CA10: variants seen among roughly 807,000 people sequenced by gnomAD.
The protein encoded by CA10 is carbonic anhydrase-related protein 10.
CA10 carries 14 observed loss-of-function variants against 44.2 expected under a neutral mutation model. That is an observed-to-expected ratio of 0.32 (90% confidence interval 0.21 to 0.50). The LOEUF (loss-of-function observed/expected upper bound fraction) is 0.50. Among genes scored for constraint, CA10 ranks in the 20% least tolerant of loss-of-function variants. CA10 has a pLI of 0.99. For missense variants in CA10, 350 were observed against 409.7 expected (o/e 0.85, Z 1.26); for synonymous variants, 159 against 141.6 (o/e 1.12, Z -0.87).
intron 1 of CA10, among the ~76,000 whole-genome samples, chr17:52,138,912 G>C (rs1283494138): frequency 6.6e-6 from 1 of 152,174 alleles, no homozygotes; most frequent in African/African-American, 2.4e-5. Flanking sequence ...ACAGCCTCCT[G>C]TGCTAGGTTG....
chr17:51,987,156 ATATGATGGAATACTACT>A (rs1291031565), intron 2 of CA10, among the ~76,000 whole-genome samples: 24 of 152,104 alleles, frequency 1.6e-4, no homozygotes, highest in African/African-American at 3.4e-4. Flanking sequence ...ACAAATATGT[ATATGATGGAATACTACT>A]TATGATGGAA....
At chr17:52,090,548 G>A (rs1254204816) in intron 1 of CA10, among the ~76,000 whole-genome samples, 2 of 152,058 alleles carry the variant, frequency 1.3e-5, no homozygotes, top group African/African-American at 4.8e-5. Flanking sequence ...TTGGCTAATT[G>A]TAACAAAAAT....
intron 2 of CA10, among the ~76,000 whole-genome samples, chr17:51,987,997 A>G (rs1202718962): frequency 6.6e-6 from 1 of 152,080 alleles, no homozygotes; most frequent in African/African-American, 2.4e-5. Flanking sequence ...ATACTCTAAT[A>G]GATAAGTTTG....
At chr17:51,633,678 C>T in intron 7 of CA10, 28 bp from the exon 8 acceptor site, 1 of 1,601,794 alleles carries the variant, frequency 6.2e-7, no homozygotes, top group Non-Finnish European at 8.5e-7. Flanking sequence ...GCCGTGAGAT[C>T]CAACCATCCT....
chr17:51,899,659 C>T lies in CA10; in HGVS notation c.279+31331G>A, dbSNP rs888896444. Among the ~76,000 whole-genome samples the T allele has an allele frequency of 3.3e-5, 5 of 152,166 alleles. No homozygotes were observed. The East Asian group carries it at 9.6e-4, about 29-fold the overall frequency. ...ACTGTCAGTGGCATGTTGAAGTCTCCTACTATTGTTGTATGGTAATCTAAG... is the reference window on the plus strand; with the variant it reads ...ACTGTCAGTGGCATGTTGAAGTCTCTTACTATTGTTGTATGGTAATCTAAG... On this transcript the variant is annotated intron_variant, in intron 3 of 8. Coordinates refer to ENST00000451037, the MANE Select transcript of CA10 (RefSeq NM_020178.5).
chr17:51,847,017 G>A (rs1395508598), intron 3 of CA10, among the ~76,000 whole-genome samples: 5 of 152,142 alleles, frequency 3.3e-5, no homozygotes, highest in Non-Finnish European at 5.9e-5. Context: ...GGAATAATAT[G>A]GACAGTTTAG....
At chr17:51,736,744 CCTTG>C (rs1200783627) in intron 4 of CA10, among the ~76,000 whole-genome samples, 2 of 152,222 alleles carry the variant, frequency 1.3e-5, no homozygotes, top group African/African-American at 2.4e-5. Flanking sequence ...ACATAAAATG[CCTTG>C]CTTGTTATAA....
intron 4 of CA10, among the ~76,000 whole-genome samples, chr17:51,699,749 A>C (rs1915527510): frequency 1.3e-5 from 2 of 152,168 alleles, no homozygotes; most frequent in South Asian, 4.1e-4. Flanking sequence ...AATGAAATCT[A>C]TTCAATGAAA....
chr17:51,780,197 A>T (rs1906002015), intron 3 of CA10, among the ~76,000 whole-genome samples: 2 of 152,306 alleles, frequency 1.3e-5, no homozygotes, highest in Admixed American at 6.5e-5. Context: ...TGTCTTCCTG[A>T]CTGTATTTTA....
At chr17:52,113,587 T>C (rs1395596137) in intron 1 of CA10, among the ~76,000 whole-genome samples, 13 of 152,194 alleles carry the variant, frequency 8.5e-5, no homozygotes, top group African/African-American at 2.4e-5. Context: ...GTGGAAAAGA[T>C]ACTGCTATGC....
chr17:51,660,947 G>GGGAATAAACTTCCCTC (rs1913984122), intron 4 of CA10, among the ~76,000 whole-genome samples: 1 of 152,000 alleles, frequency 6.6e-6, no homozygotes, highest in African/African-American at 2.4e-5. Flanking sequence ...AGAGAAGGGA[G>GGGAATAAACTTCCCTC]GGAATAAACT....
At chr17:51,822,441 A>G (rs1907849025) in intron 3 of CA10, among the ~76,000 whole-genome samples, 1 of 151,984 alleles carries the variant, frequency 6.6e-6, no homozygotes, top group Non-Finnish European at 1.5e-5. Flanking sequence ...AACAAAAACA[A>G]AAACAAAAAA....
intron 2 of CA10, among the ~76,000 whole-genome samples, chr17:51,979,100 G>A (rs2144083786): frequency 6.6e-6 from 1 of 152,120 alleles, no homozygotes; most frequent in African/African-American, 2.4e-5. Flanking sequence ...TAGGACCTAT[G>A]AGTATAATAA....
chr17:51,994,084 A>G (rs1057505782), intron 2 of CA10, among the ~76,000 whole-genome samples: 2 of 152,042 alleles, frequency 1.3e-5, no homozygotes, highest in Non-Finnish European at 2.9e-5. Context: ...GAGAAATGGG[A>G]AAAACTTTGA....
At chr17:51,728,017 C>T (rs1342367171) in intron 4 of CA10, among the ~76,000 whole-genome samples, 2 of 152,056 alleles carry the variant, frequency 1.3e-5, no homozygotes, top group East Asian at 3.9e-4. Context: ...CCTTGAGTAG[C>T]TGAGACTACA....
At chr17:51,733,950 A>G (rs762590294) in intron 4 of CA10, among the ~76,000 whole-genome samples, 22 of 152,068 alleles carry the variant, frequency 1.4e-4, no homozygotes, top group Non-Finnish European at 2.2e-4. Context: ...GGGGCGTTTT[A>G]CCTGGGAGGT....
intron 2 of CA10, among the ~76,000 whole-genome samples, chr17:52,007,819 C>T (rs1017970081): frequency 1.3e-5 from 2 of 151,460 alleles, no homozygotes; most frequent in Admixed American, 6.6e-5. Flanking sequence ...TGTACCATCA[C>T]TTACTCATAA....
At chr17:51,677,455 C>G (rs557450686) in intron 4 of CA10, among the ~76,000 whole-genome samples, 1 of 151,996 alleles carries the variant, frequency 6.6e-6, no homozygotes, top group Non-Finnish European at 1.5e-5. Context: ...TTCCTGAGGC[C>G]CCCCCAGAAG....
At position 51,636,775 on chromosome 17, in the gene CA10, TTGTGTGTGTG is replaced by T. The variant is rs57428535; in HGVS notation, c.635-776_635-767del. On this transcript the variant is annotated intron_variant, in intron 6 of 8. Coordinates refer to ENST00000451037, the MANE Select transcript of CA10 (RefSeq NM_020178.5). The stretch of plus-strand genomic sequence containing the variant: ...TGGTTAAGCTCAACAACTGATTATT[TTGTGTGTGTG>T]TGTGTGTGTGTGTGTGTGTGTGTGT... Among the ~76,000 whole-genome samples, 149 of 146,612 alleles carry T rather than the reference TTGTGTGTGTG, an allele frequency of 1.0e-3. 1 individual carries two copies. Among genetic ancestry groups the T allele is most frequent in the Middle Eastern group, 3.5e-3 (1 of 284 alleles).
Sources: gnomAD v4.1 joint callset for allele counts (sites outside exome capture counted in the v4.1 genomes callset) on GRCh38, gnomAD v4.1.1 for gene constraint, MANE v1.5 for transcripts, NCBI Gene and HGNC (gene_info 2026-07-23, HGNC 2026-07-21) for gene names.